CHRDL1: variants seen among roughly 807,000 people sequenced by gnomAD.
CHRDL1 encodes the protein chordin like 1.
CHRDL1 carries 19 observed loss-of-function variants against 40.9 expected under a neutral mutation model. The observed-to-expected ratio is 0.46, with a 90% confidence interval of 0.32 to 0.68. CHRDL1 has a LOEUF of 0.68. Ranked by LOEUF, CHRDL1 falls within the 30% of genes least tolerant of loss-of-function variation. CHRDL1 has a pLI of 0.03. For synonymous variants in CHRDL1, 136 were observed against 123.4 expected (o/e 1.10, Z -0.68); for missense variants, 329 against 352.1 (o/e 0.93, Z 0.53).
At chrX:110,681,066 AC>A in intron 10 of CHRDL1, among the ~76,000 whole-genome samples, 1 of 112,194 alleles carries the variant, frequency 8.9e-6, no homozygotes, top group Non-Finnish European at 1.9e-5. Context: ...AATCCTGGCT[AC>A]ATATTACAAT....
At chrX:110,702,151 C>A (rs1284264429) in intron 6 of CHRDL1, among the ~76,000 whole-genome samples, 1 of 111,294 alleles carries the variant, frequency 9.0e-6, no homozygotes, top group Non-Finnish European at 1.9e-5. Context: ...CAATCACCCC[C>A]TACTGCCTAC....
intron 4 of CHRDL1, among the ~76,000 whole-genome samples, chrX:110,743,248 C>T (rs1423666818): frequency 1.8e-5 from 2 of 112,606 alleles, no homozygotes; most frequent in African/African-American, 6.5e-5. Context: ...AACTTCCCTT[C>T]CATGCCTCCT....
intron 7 of CHRDL1, among the ~76,000 whole-genome samples, chrX:110,699,181 C>A (rs769983539): frequency 6.3e-5 from 7 of 111,999 alleles, no homozygotes; most frequent in Non-Finnish European, 1.1e-4. Flanking sequence ...CAGCAGTGTT[C>A]AGAAAATAAT....
At chrX:110,702,283 C>T (rs73528207) in intron 6 of CHRDL1, among the ~76,000 whole-genome samples, 3,479 of 111,671 alleles carry the variant, frequency 0.031, 119 homozygotes, top group African/African-American at 0.11. Flanking sequence ...AAATTACCTT[C>T]CATCTCCCAC....
intron 4 of CHRDL1, among the ~76,000 whole-genome samples, chrX:110,739,372 G>T (rs956991316): frequency 8.9e-6 from 1 of 112,137 alleles, no homozygotes; most frequent in African/African-American, 3.2e-5. Context: ...GTTAGGTGGA[G>T]CCATGTGAAT....
At chrX:110,765,571 G>A (rs1194207924) in intron 2 of CHRDL1, among the ~76,000 whole-genome samples, 1 of 111,827 alleles carries the variant, frequency 8.9e-6, no homozygotes, top group East Asian at 2.8e-4. Flanking sequence ...CCACATTTAT[G>A]TTTTTGTTTG....
intron 4 of CHRDL1, among the ~76,000 whole-genome samples, chrX:110,734,515 A>G (rs2071229065): frequency 8.9e-6 from 1 of 111,820 alleles, no homozygotes; most frequent in Admixed American, 9.5e-5. Context: ...CTAGGGTTCT[A>G]TCTCCAAGAG....
chrX:110,766,243 AG>A (rs1459029393), intron 2 of CHRDL1, among the ~76,000 whole-genome samples: 5 of 111,254 alleles, frequency 4.5e-5, no homozygotes, highest in African/African-American at 1.6e-4. Flanking sequence ...TACATCGAAA[AG>A]TCTGAAAGAG....
intron 4 of CHRDL1, among the ~76,000 whole-genome samples, chrX:110,749,524 CA>C (rs2089319623): frequency 8.9e-6 from 1 of 111,860 alleles, no homozygotes; most frequent in East Asian, 2.8e-4. Flanking sequence ...AACCACTTCC[CA>C]GTCTCTGTGT....
rs61665833 is a variant in CHRDL1 at position 110,690,053 on chromosome X, A to AT, written c.779-1251dup. Among the ~76,000 whole-genome samples, 94 of 36,877 alleles carry AT rather than the reference A, an allele frequency of 2.5e-3. 29 individuals are homozygous for AT. Among genetic ancestry groups the AT allele is most frequent in the African/African-American group, 0.014 (90 of 6,272 alleles). The allele number at this position is 36,877 out of a possible 115,157, so 32.0% of individuals were successfully genotyped here. ...TCTATATATATCTATATATATATAT[A>AT]TTTTTTTTTTGAGATGGAGTCTCGC... On this transcript the variant is annotated intron_variant, in intron 8 of 11. Transcript: ENST00000372042.
At chrX:110,780,963 T>C (rs960535416) in intron 2 of CHRDL1, among the ~76,000 whole-genome samples, 4 of 111,575 alleles carry the variant, frequency 3.6e-5, no homozygotes, top group Non-Finnish European at 7.6e-5. Context: ...AGAACATACT[T>C]TTAAGGCAGA....
chrX:110,699,370 T>C (rs1261295316), intron 7 of CHRDL1, among the ~76,000 whole-genome samples: 2 of 111,452 alleles, frequency 1.8e-5, no homozygotes, highest in Non-Finnish European at 3.8e-5. Flanking sequence ...TATCAACATC[T>C]TCCTCACATG....
chrX:110,734,148 G>A (rs758461154), intron 4 of CHRDL1, among the ~76,000 whole-genome samples: 2 of 110,991 alleles, frequency 1.8e-5, no homozygotes, highest in Non-Finnish European at 3.8e-5. Context: ...TTACAGAATC[G>A]ATTTCTTCTG....
At chrX:110,774,443 CT>C (rs1389854093) in intron 2 of CHRDL1, among the ~76,000 whole-genome samples, 43 of 104,663 alleles carry the variant, frequency 4.1e-4, no homozygotes, top group South Asian at 4.1e-4. Flanking sequence ...TATGTGGTAT[CT>C]TTTTTTTTTT....
chrX:110,750,124 C>A (rs1393617487), intron 4 of CHRDL1, among the ~76,000 whole-genome samples: 1 of 111,717 alleles, frequency 9.0e-6, no homozygotes, highest in East Asian at 2.8e-4. Context: ...GGATCTTCCC[C>A]CCGCAACACC....
At chrX:110,769,105 T>C (rs1480990967) in intron 2 of CHRDL1, among the ~76,000 whole-genome samples, 1 of 112,035 alleles carries the variant, frequency 8.9e-6, no homozygotes. Context: ...ACATTTATTC[T>C]TTACTCTCTA....
At chrX:110,697,710 C>A (rs1460711027) in intron 7 of CHRDL1, among the ~76,000 whole-genome samples, 1 of 107,677 alleles carries the variant, frequency 9.3e-6, no homozygotes, top group Admixed American at 1.0e-4. Flanking sequence ...CTACAGGGGG[C>A]AAAAATCAGG....
chrX:110,683,199 G>A (rs1343288357), intron 9 of CHRDL1, among the ~76,000 whole-genome samples: 7 of 105,630 alleles, frequency 6.6e-5, no homozygotes, highest in Non-Finnish European at 1.4e-4. Flanking sequence ...CTTGACCGAA[G>A]GGATCTACAA....
intron 8 of CHRDL1, among the ~76,000 whole-genome samples, chrX:110,690,302 C>T (rs1407936963): frequency 2.8e-5 from 3 of 106,431 alleles, no homozygotes; most frequent in East Asian, 2.9e-4. Flanking sequence ...CCTGCCTCGG[C>T]CTCCCAAAGT....
Sources: gnomAD v4.1 joint callset for allele counts (sites outside exome capture counted in the v4.1 genomes callset) on GRCh38, gnomAD v4.1.1 for gene constraint, MANE v1.5 for transcripts, NCBI Gene and HGNC (gene_info 2026-07-23, HGNC 2026-07-21) for gene names.